Variants in RAB40C observed in about 807,000 individuals in gnomAD.
The protein encoded by RAB40C is ras-related protein Rab-40C.
Under a neutral mutation model 28.1 loss-of-function variants are expected in RAB40C, and 8 were observed. The ratio of observed to expected loss-of-function variants is 0.28; its 90% CI spans 0.17 to 0.51. RAB40C has a LOEUF of 0.51. Ranked by LOEUF, RAB40C falls within the 20% of genes least tolerant of loss-of-function variation. RAB40C has a pLI of 0.97. For synonymous variants in RAB40C, 201 were observed against 171.7 expected (o/e 1.17, Z -1.34); for missense variants, 288 against 405.9 (o/e 0.71, Z 2.50).
chr16:595,075 G>A (rs2036084441), intron 1 of RAB40C, among the ~76,000 whole-genome samples: 3 of 152,086 alleles, frequency 2.0e-5, no homozygotes, highest in African/African-American at 7.2e-5. Flanking sequence ...TGCCTCGGGG[G>A]TTTTGCTCGT....
At chr16:617,155 G>A (rs1327907240) in intron 1 of RAB40C, 53 bp from the exon 2 acceptor site, 42 of 1,596,444 alleles carry the variant, frequency 2.6e-5, no homozygotes, top group Non-Finnish European at 3.5e-5. Flanking sequence ...TGGTCTCGCG[G>A]GCGCTCGCTC....
At chr16:594,818 CTTTTTTTTT>C (rs1006905623) in intron 1 of RAB40C, among the ~76,000 whole-genome samples, 30 of 130,320 alleles carry the variant, frequency 2.3e-4, no homozygotes, top group Admixed American at 3.9e-4. Flanking sequence ...GCTCGTCTTC[CTTTTTTTTT>C]TTTTTTTTTT....
chr16:616,888 G>A, intron 1 of RAB40C: 1 of 387,588 alleles, frequency 2.6e-6, no homozygotes, highest in South Asian at 3.3e-5. Flanking sequence ...GCCACAGGCG[G>A]AGGCCCCATT....
rs1184130466 is a variant in RAB40C at position 590,424 on chromosome 16, T to C, written c.133T>C (p.Tyr45His). ...QDGAAESPYA[Y>H]SNGIDYKTTT... Reference sequence around the variant, plus strand: ...CGGCGCGGCAGAGTCCCCGTACGCCTACAGTAACGGTAAGGCCCGGCCCGC... The same window carrying C: ...CGGCGCGGCAGAGTCCCCGTACGCCCACAGTAACGGTAAGGCCCGGCCCGC... The change falls in exon 1 of 6, where the codon TAC becomes CAC. Residue 45 changes from tyrosine to histidine, a missense_variant. Physicochemically the swap from Tyr to His is moderately conservative, Grantham distance 83. This residue lies in a region of RAB40C where 78 missense variants were observed against 88.2 expected (regional missense o/e 0.88). Transcript: ENST00000248139. The C allele has an allele frequency of 1.3e-6, 2 of 1,587,344 alleles. No individual in the cohort carries two copies. Among genetic ancestry groups the C allele is most frequent in the South Asian group, 1.1e-5 (1 of 87,930 alleles).
intron 1 of RAB40C, among the ~76,000 whole-genome samples, chr16:605,840 A>T (rs1165474095): frequency 6.6e-6 from 1 of 152,150 alleles, no homozygotes; most frequent in Non-Finnish European, 1.5e-5. Flanking sequence ...GCCTGTGTAG[A>T]TGCTGCCAAC....
intron 5 of RAB40C, 36 bp downstream of exon 5, chr16:626,157 C>T (rs750413803): frequency 1.1e-5 from 18 of 1,568,342 alleles, no homozygotes; most frequent in East Asian, 1.1e-4. Flanking sequence ...CTGAGGTCCC[C>T]GAACCTGGGC....
chr16:598,979 T>C (rs1017474296), intron 1 of RAB40C, among the ~76,000 whole-genome samples: 3 of 152,150 alleles, frequency 2.0e-5, no homozygotes, highest in Non-Finnish European at 4.4e-5. Context: ...TGCTGGGCTT[T>C]CGCCTGACTT....
chr16:627,567 G>T lies in RAB40C; in HGVS notation c.791G>T (p.Arg264Leu). 1 of 1,612,052 alleles carries T rather than the reference G, an allele frequency of 6.2e-7. No homozygotes were observed. Among genetic ancestry groups the T allele is most frequent in the Non-Finnish European group, 8.5e-7 (1 of 1,178,908 alleles). The change falls in exon 6 of 6, where the codon CGT (arginine) becomes CTT (leucine). Residue 264 changes from arginine (R) to leucine (L), a missense_variant. By Grantham distance (102) the Arg-to-Leu change is moderately radical. Around this residue, in one of 3 missense-constraint regions of RAB40C, gnomAD observed 57 missense variants for 55.3 expected, o/e 1.03. Coordinates refer to ENST00000248139, the MANE Select transcript of RAB40C (RefSeq NM_021168.5). ...AGCCTCAAGAGGTCCAAGTCCATCC[G>T]TCCACCCCAGAGCCCCCCCCAGAAC... is the stretch of plus-strand genomic sequence containing the variant. ...GNSLKRSKSI[R>L]PPQSPPQNCS...
chr16:598,180 C>G (rs1339112911), intron 1 of RAB40C, among the ~76,000 whole-genome samples: 2 of 151,966 alleles, frequency 1.3e-5, no homozygotes, highest in Non-Finnish European at 2.9e-5. Flanking sequence ...GAGATCAAGA[C>G]CATCCTGGCT....
chr16:608,132 G>T (rs188562552), intron 1 of RAB40C, among the ~76,000 whole-genome samples: 25 of 152,234 alleles, frequency 1.6e-4, no homozygotes, highest in African/African-American at 6.0e-4. Context: ...TCACAGTTCC[G>T]CATGGCTGCA....
At chr16:595,810 C>G (rs2036107834) in intron 1 of RAB40C, among the ~76,000 whole-genome samples, 1 of 152,088 alleles carries the variant, frequency 6.6e-6, no homozygotes, top group African/African-American at 2.4e-5. Context: ...ACTGTGTTGG[C>G]CAGGCTGGTC....
At chr16:624,044 T>C in intron 3 of RAB40C, 1 of 985,492 alleles carries the variant, frequency 1.0e-6, no homozygotes, top group Non-Finnish European at 1.2e-6. Flanking sequence ...ACTGCTGCTG[T>C]CTTCAGCATC....
intron 1 of RAB40C, among the ~76,000 whole-genome samples, chr16:597,958 A>T (rs1368126852): frequency 6.6e-6 from 1 of 150,800 alleles, no homozygotes; most frequent in East Asian, 1.9e-4. Flanking sequence ...AAAAAAAAAA[A>T]AAAAAAGGCC....
At chr16:625,616 G>A in intron 4 of RAB40C, 107 bp downstream of exon 4, 2 of 1,193,788 alleles carry the variant, frequency 1.7e-6, no homozygotes, top group Non-Finnish European at 2.4e-6. Context: ...TGTGGCCCCG[G>A]CTCTGCACCC....
chr16:589,643 C>T (rs1596392542), upstream of RAB40C: 2 of 152,200 alleles, frequency 1.3e-5, no homozygotes, highest in Non-Finnish European at 2.9e-5. Flanking sequence ...CGTTGTGGGC[C>T]GGGGGCGGGG....
Position 590,224 on chromosome 16 carries a change from T to A in RAB40C, c.-68T>A, listed in dbSNP as rs529377739. The A allele has an allele frequency of 4.4e-5, 54 of 1,223,076 alleles. 3 individuals are homozygous for A. The South Asian group carries it at 1.4e-3, about 33-fold the overall frequency. 75.8% of individuals were successfully genotyped at this position (1,223,076 alleles called of 1,614,324 possible). On this transcript the variant is annotated 5_prime_UTR_variant, in exon 1 of 6. Transcript: ENST00000248139. ...GGGCGCAGGTGCGGGGCGCGGGCTC[T>A]CTCACGCCGCGGCCTCACCCGGCGG... is the stretch of plus-strand genomic sequence containing the variant.
At chr16:601,941 C>T (rs1480796070) in intron 1 of RAB40C, among the ~76,000 whole-genome samples, 1 of 150,714 alleles carries the variant, frequency 6.6e-6, no homozygotes, top group Non-Finnish European at 1.5e-5. Flanking sequence ...TCCTGGCCAG[C>T]ATGGTGAAAC....
At chr16:603,471 C>T (rs1326067725) in intron 1 of RAB40C, among the ~76,000 whole-genome samples, 1 of 152,076 alleles carries the variant, frequency 6.6e-6, no homozygotes, top group Non-Finnish European at 1.5e-5. Flanking sequence ...ACTTAGAGCC[C>T]CAGGTCTTCA....
At chr16:597,429 A>T (rs1032634385) in intron 1 of RAB40C, among the ~76,000 whole-genome samples, 2 of 151,410 alleles carry the variant, frequency 1.3e-5, no homozygotes, top group Non-Finnish European at 2.9e-5. Context: ...ACTGACCCTG[A>T]TGAAAGACAT....
Sources: gnomAD v4.1 joint callset for allele counts (sites outside exome capture counted in the v4.1 genomes callset) on GRCh38, gnomAD v4.1.1 for gene constraint, gnomAD v4.1.1 regional missense constraint, MANE v1.5 for transcripts, NCBI Gene and HGNC (gene_info 2026-07-23, HGNC 2026-07-21) for gene names.